FAM20B: variants seen among roughly 807,000 people sequenced by gnomAD.
FAM20B encodes the protein FAM20B glycosaminoglycan xylosylkinase, also known as glycosaminoglycan xylosylkinase.
Under a neutral mutation model 43.8 loss-of-function variants are expected in FAM20B, and 23 were observed. The ratio of observed to expected loss-of-function variants is 0.53; its 90% CI spans 0.38 to 0.74. The LOEUF is 0.74. FAM20B is among the 30% of genes least tolerant of loss of function. FAM20B has a pLI of 0.00. For missense variants in FAM20B, 440 were observed against 510.5 expected (o/e 0.86, Z 1.33); for synonymous variants, 178 against 192.4 (o/e 0.93, Z 0.62).
chr1:179,034,122 T>C (rs1021823717), intron 1 of FAM20B, among the ~76,000 whole-genome samples: 3 of 152,218 alleles, frequency 2.0e-5, no homozygotes, highest in African/African-American at 7.2e-5. Context: ...GAAAGTGTCA[T>C]CTTCATGTCT....
At chr1:179,034,142 C>T (rs568474983) in intron 1 of FAM20B, among the ~76,000 whole-genome samples, 4 of 152,326 alleles carry the variant, frequency 2.6e-5, no homozygotes, top group African/African-American at 9.6e-5. Context: ...TGGCACTTCA[C>T]CTGGGGTGAC....
intron 7 of FAM20B, among the ~76,000 whole-genome samples, chr1:179,070,259 T>G (rs1390193258): frequency 6.6e-6 from 1 of 152,006 alleles, no homozygotes; most frequent in African/African-American, 2.4e-5. Context: ...TTGCCTAGGC[T>G]GGTCTCGAAC....
Position 179,071,959 on chromosome 1 carries a change from G to A in FAM20B, c.1045G>A (p.Val349Met), listed in dbSNP as rs746693808. 1.9e-6 allele frequency: 3 copies of A among 1,614,152 alleles called. No homozygotes were observed. Among genetic ancestry groups the A allele is most frequent in the Admixed American group, 1.7e-5 (1 of 60,016 alleles). ...CAGACTGAACTACCTAAAGAATGGTGTGCTAAAGTCTGCCTTAAAATCTGC... is the reference window on the plus strand; with the variant it reads ...CAGACTGAACTACCTAAAGAATGGTATGCTAAAGTCTGCCTTAAAATCTGC... Reference protein sequence around the residue: ...WNRLNYLKNGVLKSALKSAMA... With the variant: ...WNRLNYLKNGMLKSALKSAMA... The change falls in exon 8 of 8, where the codon GTG becomes ATG. Residue 349 changes from valine (V) to methionine (M), a missense_variant. Physicochemically the swap from Val to Met is conservative, Grantham distance 21. Coordinates refer to ENST00000263733, the MANE Select transcript of FAM20B (RefSeq NM_014864.4).
intron 3 of FAM20B, among the ~76,000 whole-genome samples, chr1:179,054,209 T>C (rs1651119408): frequency 6.6e-6 from 1 of 152,184 alleles, no homozygotes; most frequent in Non-Finnish European, 1.5e-5. Context: ...AATCTATTTT[T>C]AATTTTTATT....
At chr1:179,045,552 T>A (rs1436519334) in intron 2 of FAM20B, among the ~76,000 whole-genome samples, 1 of 152,152 alleles carries the variant, frequency 6.6e-6, no homozygotes, top group African/African-American at 2.4e-5. Context: ...CTGGGAAATA[T>A]ATGTCAGTGA....
chr1:179,075,035 T>C lies in FAM20B; in HGVS notation c.*2891T>C, dbSNP rs1240608452. ...ATGGTGAGACCGTCTCTACTAAAAA[T>C]GCAAAAATTAACAGGGCACGGTGGC... On this transcript the variant is annotated 3_prime_UTR_variant, in exon 8 of 8. Coordinates refer to ENST00000263733, the MANE Select transcript of FAM20B (RefSeq NM_014864.4). 1 of 151,862 alleles carries C rather than the reference T, an allele frequency of 6.6e-6. No individual in the cohort carries two copies. The highest frequency in any genetic ancestry group is 6.6e-5 in the Admixed American group (1 of 15,238). The allele number at this position is 151,862 out of a possible 1,614,324, so 9.4% of individuals were successfully genotyped here.
chr1:179,046,366 G>A (rs1160291341), intron 2 of FAM20B, among the ~76,000 whole-genome samples: 1 of 152,166 alleles, frequency 6.6e-6, no homozygotes, highest in African/African-American at 2.4e-5. Flanking sequence ...TATATAAAGA[G>A]ATGGCCGGGC....
chr1:179,032,205 C>G (rs1650041362), intron 1 of FAM20B, among the ~76,000 whole-genome samples: 1 of 152,004 alleles, frequency 6.6e-6, no homozygotes, highest in African/African-American at 2.4e-5. Flanking sequence ...TCATTTTTCT[C>G]CTCTCTGGAG....
chr1:179,019,324 C>T, the FAM20B span, among the ~76,000 whole-genome samples: 3 of 152,148 alleles, frequency 2.0e-5, no homozygotes, highest in Middle Eastern at 3.2e-3. Context: ...CTAGCAGCCA[C>T]AGTTGGCAGA....
At chr1:179,029,422 A>G (rs1649918697) in intron 1 of FAM20B, among the ~76,000 whole-genome samples, 1 of 152,246 alleles carries the variant, frequency 6.6e-6, no homozygotes, top group Non-Finnish European at 1.5e-5. Flanking sequence ...AGAAGAGAAA[A>G]TAATGCAAAG....
the FAM20B span, among the ~76,000 whole-genome samples, chr1:179,019,945 G>A: frequency 3.9e-5 from 6 of 152,268 alleles, no homozygotes; most frequent in African/African-American, 1.2e-4. Context: ...GGGCCCCAGA[G>A]GGGTACAGCA....
In FAM20B at chr1:179,071,921, T is replaced by C. The variant is rs755384540; in HGVS notation, c.1007T>C (p.Val336Ala). 9.8e-5 allele frequency: 158 copies of C among 1,612,354 alleles called. 1 individual carries two copies. In the Middle Eastern group the frequency reaches 6.1e-3, roughly 62 times the overall value. Residue 336 changes from valine to alanine, a missense_variant, in exon 8 of 8, where the codon GTG (valine) becomes GCG (alanine). By Grantham distance (64) the Val-to-Ala change is moderately conservative. Transcript: ENST00000263733. ...ATAACTTTTTCTCCCAGCATTCGGG[T>C]GTCCACCTGGAACAGACTGAACTAC... is the stretch of plus-strand genomic sequence containing the variant. ...APLYQCCIIR[V>A]STWNRLNYLK... is the part of the protein sequence containing the mutation.
chr1:179,047,318 C>T (rs775842590), intron 2 of FAM20B, among the ~76,000 whole-genome samples: 7 of 152,158 alleles, frequency 4.6e-5, no homozygotes, highest in African/African-American at 1.4e-4. Context: ...CGTTCTTCCC[C>T]GTTCTTCCCC....
At chr1:179,017,850 C>T in the FAM20B span, among the ~76,000 whole-genome samples, 2 of 152,162 alleles carry the variant, frequency 1.3e-5, no homozygotes, top group Admixed American at 6.5e-5. Flanking sequence ...ATTATTAGGG[C>T]ACCATTTACT....
chr1:179,043,955 G>C lies in FAM20B; in HGVS notation c.108G>C (p.Glu36Asp). 6.2e-7 allele frequency: 1 copy of C among 1,614,128 alleles called. No individual in the cohort carries two copies. The change falls in exon 2 of 8, where the codon GAG becomes GAC. Residue 36 changes from glutamate to aspartate, a missense_variant. Transcript: ENST00000263733. ...DNLDTSAANR[E>D]DQRAFHRMMT... ...TAGATACATCAGCTGCCAACCGGGA[G>C]GACCAGAGGGCCTTTCACCGAATGA...
At chr1:179,050,915 A>G (rs1650979878) in intron 3 of FAM20B, among the ~76,000 whole-genome samples, 1 of 152,162 alleles carries the variant, frequency 6.6e-6, no homozygotes, top group Non-Finnish European at 1.5e-5. Flanking sequence ...TGAGCTCAGG[A>G]GTTCGAGACC....
chr1:179,036,842 G>GAC (rs1289345936), intron 1 of FAM20B, among the ~76,000 whole-genome samples: 6 of 152,196 alleles, frequency 3.9e-5, no homozygotes, highest in Admixed American at 3.9e-4. Flanking sequence ...TGTAAGGAGG[G>GAC]ACGAAAAATT....
chr1:179,050,027 CA>C (rs1650938323), intron 2 of FAM20B, among the ~76,000 whole-genome samples: 1 of 152,106 alleles, frequency 6.6e-6, no homozygotes, highest in East Asian at 1.9e-4. Flanking sequence ...TTTAGTGGGG[CA>C]AAAATGACAG....
chr1:179,036,196 G>T (rs1325554249), intron 1 of FAM20B, among the ~76,000 whole-genome samples: 1 of 152,140 alleles, frequency 6.6e-6, no homozygotes, highest in African/African-American at 2.4e-5. Context: ...TGGAGCTCAG[G>T]TTGAAACCAG....
Sources: gnomAD v4.1 joint callset for allele counts (sites outside exome capture counted in the v4.1 genomes callset) on GRCh38, gnomAD v4.1.1 for gene constraint, MANE v1.5 for transcripts, NCBI Gene and HGNC (gene_info 2026-07-23, HGNC 2026-07-21) for gene names.